The following EHBP1 variants were observed in gnomAD, a reference collection of about 807,000 sequenced individuals.
The protein encoded by EHBP1 is EH domain binding protein 1.
In EHBP1, 55 loss-of-function variants were observed where a neutral mutation model predicts 144.0. That is an observed-to-expected ratio of 0.38 (90% CI 0.31 to 0.48). The LOEUF is 0.48. Among genes scored for constraint, EHBP1 ranks in the 20% least tolerant of loss-of-function variants. EHBP1 has a pLI of 0.98. For missense variants in EHBP1, 1,200 were observed against 1,364.2 expected, an observed-to-expected ratio of 0.88 and a Z score of 1.90; for synonymous variants, 469 against 472.7, an observed-to-expected ratio of 0.99 and a Z score of 0.10.
chr2:62,870,646 G>T (rs980050417), intron 9 of EHBP1, among the ~76,000 whole-genome samples: 1 of 149,556 alleles, frequency 6.7e-6, no homozygotes, highest in African/African-American at 2.5e-5. Context: ...AATCTGGGAG[G>T]TGGAGGTTGC....
intron 2 of EHBP1, among the ~76,000 whole-genome samples, chr2:62,713,214 G>C (rs1054850163): frequency 6.6e-6 from 1 of 151,902 alleles, no homozygotes. Context: ...AGAATAATGG[G>C]AGGAGAAACA....
intron 1 of EHBP1, among the ~76,000 whole-genome samples, chr2:62,688,110 C>A (rs1165099092): frequency 1.3e-5 from 2 of 152,138 alleles, no homozygotes; most frequent in East Asian, 1.9e-4. Flanking sequence ...TGAATTATCT[C>A]TCTTGGGCTC....
At chr2:62,889,480 A>G (rs549969219) in intron 10 of EHBP1, among the ~76,000 whole-genome samples, 3 of 152,122 alleles carry the variant, frequency 2.0e-5, no homozygotes, top group South Asian at 2.1e-4. Flanking sequence ...GTCCATGCCT[A>G]TTTCCTGAAT....
chr2:62,810,744 TTA>T (rs2044931340), intron 5 of EHBP1, among the ~76,000 whole-genome samples: 1 of 152,216 alleles, frequency 6.6e-6, no homozygotes, highest in Non-Finnish European at 1.5e-5. Context: ...TAACAGATTA[TTA>T]TATTTCTCTC....
At chr2:63,006,423 A>G (rs1432866952) in intron 19 of EHBP1, among the ~76,000 whole-genome samples, 1 of 151,852 alleles carries the variant, frequency 6.6e-6, no homozygotes, top group Non-Finnish European at 1.5e-5. Flanking sequence ...TTAGAGTTTT[A>G]TTTTTCTGTT....
At chr2:62,710,465 G>C (rs2151831534) in intron 2 of EHBP1, among the ~76,000 whole-genome samples, 1 of 150,928 alleles carries the variant, frequency 6.6e-6, no homozygotes, top group East Asian at 1.9e-4. Flanking sequence ...ATTTATTTTA[G>C]TTTCTTATTT....
intron 14 of EHBP1, among the ~76,000 whole-genome samples, chr2:62,956,485 A>C (rs543168619): frequency 4.3e-4 from 66 of 152,254 alleles, no homozygotes; most frequent in Middle Eastern, 6.8e-3. Flanking sequence ...ATTGCTTATG[A>C]GACTATGCTT....
At chr2:62,820,740 ATATATATATATATATATAT>A (rs2045908956) in intron 5 of EHBP1, among the ~76,000 whole-genome samples, 2 of 33,506 alleles carry the variant, frequency 6.0e-5, no homozygotes, top group Non-Finnish European at 1.2e-4. Flanking sequence ...TGTGTATAAT[ATATATATATATATATATAT>A]ATATATATAT....
intron 5 of EHBP1, among the ~76,000 whole-genome samples, chr2:62,778,143 C>T (rs1207361362): frequency 6.6e-6 from 1 of 152,144 alleles, no homozygotes; most frequent in Non-Finnish European, 1.5e-5. Context: ...GGAAGTTCGG[C>T]TCCTCCAGGG....
chr2:62,745,221 A>G (rs1439782688), intron 2 of EHBP1, among the ~76,000 whole-genome samples: 1 of 152,164 alleles, frequency 6.6e-6, no homozygotes, highest in Non-Finnish European at 1.5e-5. Context: ...GTAGGATTAC[A>G]AAGATAAATA....
intron 5 of EHBP1, among the ~76,000 whole-genome samples, chr2:62,779,966 A>G (rs1011309039): frequency 2.6e-5 from 4 of 152,172 alleles, no homozygotes; most frequent in African/African-American, 7.2e-5. Flanking sequence ...GATTTAAAGT[A>G]CATTTCAGAT....
At chr2:62,722,092 A>G (rs1042655259) in intron 2 of EHBP1, among the ~76,000 whole-genome samples, 1 of 151,852 alleles carries the variant, frequency 6.6e-6, no homozygotes, top group Non-Finnish European at 1.5e-5. Context: ...GTGCCCCCTT[A>G]CCCATAAACA....
intron 7 of EHBP1, among the ~76,000 whole-genome samples, chr2:62,850,339 A>G (rs931649092): frequency 2.6e-5 from 4 of 152,176 alleles, no homozygotes; most frequent in African/African-American, 7.2e-5. Context: ...CTTAAAAGGA[A>G]AAAGCCACCT....
chr2:62,875,505 C>T (rs2050819865), intron 10 of EHBP1, among the ~76,000 whole-genome samples: 1 of 152,186 alleles, frequency 6.6e-6, no homozygotes, highest in Non-Finnish European at 1.5e-5. Context: ...AGGACAGCAG[C>T]TTCAAAGATT....
chr2:62,697,631 T>C (rs1409740876), intron 1 of EHBP1, among the ~76,000 whole-genome samples: 5 of 152,372 alleles, frequency 3.3e-5, no homozygotes, highest in Admixed American at 2.0e-4. Context: ...TTGTCTTTTT[T>C]ATGTGCTGCA....
At chr2:62,826,031 T>A in intron 5 of EHBP1, 56 bp from the exon 6 acceptor site, 2 of 1,269,996 alleles carry the variant, frequency 1.6e-6, no homozygotes, top group South Asian at 4.2e-5. Flanking sequence ...TACTTTAAAA[T>A]GTTTGGCTAT....
At chr2:62,859,052 A>T in intron 7 of EHBP1, 117 bp from the exon 8 acceptor site, 1 of 960,080 alleles carries the variant, frequency 1.0e-6, no homozygotes, top group Non-Finnish European at 1.5e-6. Context: ...GTAAAATGCT[A>T]TATACTATTA....
intron 5 of EHBP1, among the ~76,000 whole-genome samples, chr2:62,816,584 A>G (rs1003810293): frequency 6.6e-6 from 1 of 152,188 alleles, no homozygotes; most frequent in East Asian, 1.9e-4. Context: ...TTTACAAGAG[A>G]CAGTTCTAAA....
chr2:63,023,051 G>C (rs1437443857), intron 19 of EHBP1, among the ~76,000 whole-genome samples: 2 of 152,096 alleles, frequency 1.3e-5, no homozygotes, highest in Admixed American at 1.3e-4. Flanking sequence ...GTGTGCACCT[G>C]TAATCCTAGC....
Sources: gnomAD v4.1 joint callset for allele counts (sites outside exome capture counted in the v4.1 genomes callset) on GRCh38, gnomAD v4.1.1 for gene constraint, MANE v1.5 for transcripts, NCBI Gene and HGNC (gene_info 2026-07-23, HGNC 2026-07-21) for gene names.